NTNG1: variants seen among roughly 807,000 people sequenced by gnomAD.
NTNG1 encodes the protein netrin G1, also known as netrin-G1.
NTNG1 carries 16 observed loss-of-function variants against 54.0 expected under a neutral mutation model. The observed-to-expected ratio is 0.30, with a 90% CI of 0.20 to 0.45. The LOEUF (loss-of-function observed/expected upper bound fraction) is 0.45, where lower values mean the gene tolerates loss of function less well. Ranked by LOEUF, NTNG1 falls within the 20% of genes least tolerant of loss-of-function variation. The pLI is 1.00. For synonymous variants in NTNG1, 255 were observed against 263.1 expected (o/e 0.97, Z 0.30); for missense variants, 530 against 678.7 (o/e 0.78, Z 2.43).
At chr1:107,378,335 T>C (rs1467002416) in intron 3 of NTNG1, among the ~76,000 whole-genome samples, 1 of 152,170 alleles carries the variant, frequency 6.6e-6, no homozygotes, top group Non-Finnish European at 1.5e-5. Context: ...GGGAAGAAGA[T>C]ATATCCAGAG....
intron 3 of NTNG1, among the ~76,000 whole-genome samples, chr1:107,375,319 C>G (rs1385820138): frequency 6.6e-6 from 1 of 152,186 alleles, no homozygotes; most frequent in Non-Finnish European, 1.5e-5. Flanking sequence ...TCATTGGACT[C>G]ATCTCATTTG....
At chr1:107,459,707 CA>C (rs1157854094) in intron 7 of NTNG1, among the ~76,000 whole-genome samples, 3 of 152,160 alleles carry the variant, frequency 2.0e-5, no homozygotes, top group African/African-American at 7.2e-5. Context: ...AGGACACCAG[CA>C]GGAGAGAGTT....
intron 3 of NTNG1, among the ~76,000 whole-genome samples, chr1:107,333,160 T>C (rs1268006400): frequency 6.6e-6 from 1 of 151,938 alleles, no homozygotes; most frequent in Non-Finnish European, 1.5e-5. Context: ...ATTGAGAGGA[T>C]AGAGGACAAG....
intron 3 of NTNG1, among the ~76,000 whole-genome samples, chr1:107,355,358 G>GT (rs111810540): frequency 2.0e-5 from 3 of 151,128 alleles, no homozygotes; most frequent in African/African-American, 4.9e-5. Flanking sequence ...AGCTTTGTGA[G>GT]TTTTTTTAAT....
At chr1:107,230,384 G>A (rs995600183) in intron 2 of NTNG1, among the ~76,000 whole-genome samples, 6 of 152,116 alleles carry the variant, frequency 3.9e-5, no homozygotes, top group African/African-American at 9.7e-5. Context: ...TCTCTAGAAA[G>A]TCTGCAGTTT....
intron 2 of NTNG1, among the ~76,000 whole-genome samples, chr1:107,205,552 C>G (rs188545246): frequency 6.6e-6 from 1 of 152,238 alleles, no homozygotes; most frequent in Admixed American, 6.5e-5. Flanking sequence ...TGTGAAATCA[C>G]AATTCCGCCT....
chr1:107,269,437 C>A (rs1324272097), intron 2 of NTNG1, among the ~76,000 whole-genome samples: 1 of 152,156 alleles, frequency 6.6e-6, no homozygotes, highest in African/African-American at 2.4e-5. Context: ...TATTGTTTTT[C>A]CCCGTAACAG....
chr1:107,347,342 C>T (rs1044319776), intron 3 of NTNG1, among the ~76,000 whole-genome samples: 2 of 151,976 alleles, frequency 1.3e-5, no homozygotes, highest in Non-Finnish European at 2.9e-5. Context: ...ATGAGACCCC[C>T]GTATCTAGAA....
chr1:107,482,562 G>A lies in NTNG1; in HGVS notation c.*1722G>A, dbSNP rs921083696. On this transcript the variant is annotated 3_prime_UTR_variant, in exon 8 of 8. Transcript: ENST00000370068. ...CACACTGTTGTCCTACAGATTACAA[G>A]TGTATTAGCAGCAGCATCTCCTGGA... is the stretch of plus-strand genomic sequence containing the variant. 6.6e-6 allele frequency: 1 copy of A among 152,212 alleles called. No individual in the cohort carries two copies. The highest frequency in any genetic ancestry group is 2.1e-4 in the South Asian group (1 of 4,832). The allele number at this position is 152,212 out of a possible 1,614,324, so 9.4% of individuals were successfully genotyped here.
intron 4 of NTNG1, among the ~76,000 whole-genome samples, chr1:107,399,263 G>A (rs1177540295): frequency 6.6e-6 from 1 of 152,166 alleles, no homozygotes; most frequent in Non-Finnish European, 1.5e-5. Flanking sequence ...GGGACATGCT[G>A]AGCTAAACAG....
At position 107,246,313 on chromosome 1, in the gene NTNG1, A is replaced by G. The variant is rs539984945; in HGVS notation, c.247-77969A>G. Among the ~76,000 whole-genome samples the G allele has an allele frequency of 3.9e-5, 6 of 152,294 alleles. No homozygotes were observed. The South Asian group carries it at 8.3e-4, about 21-fold the overall frequency. ...TATGATGTGCCCACCTCGGCCTCCAAAAGTGCTGGGATTACAGGCTTGAGT... is the reference window on the plus strand; with the variant it reads ...TATGATGTGCCCACCTCGGCCTCCAGAAGTGCTGGGATTACAGGCTTGAGT... On this transcript the variant is annotated intron_variant, in intron 2 of 7. Coordinates refer to ENST00000370068, the MANE Select transcript of NTNG1 (RefSeq NM_001113226.3).
intron 2 of NTNG1, among the ~76,000 whole-genome samples, chr1:107,264,725 A>G (rs1663615120): frequency 6.6e-6 from 1 of 151,850 alleles, no homozygotes; most frequent in Admixed American, 6.6e-5. Flanking sequence ...TTTCCTTTTC[A>G]TTTCTTTTCC....
chr1:107,331,828 T>A (rs1202065955), intron 3 of NTNG1, among the ~76,000 whole-genome samples: 3 of 152,104 alleles, frequency 2.0e-5, no homozygotes, highest in African/African-American at 4.8e-5. Flanking sequence ...TAATAAAATT[T>A]CATAAATTTT....
At chr1:107,341,748 G>A (rs965414057) in intron 3 of NTNG1, among the ~76,000 whole-genome samples, 2 of 152,062 alleles carry the variant, frequency 1.3e-5, no homozygotes, top group Non-Finnish European at 2.9e-5. Context: ...GATCATCTAT[G>A]AGAGAAAAAG....
intron 2 of NTNG1, among the ~76,000 whole-genome samples, chr1:107,213,075 T>C (rs760019785): frequency 6.6e-6 from 1 of 151,624 alleles, no homozygotes. Context: ...AAAAGTGAAA[T>C]GAAATATTTT....
chr1:107,413,924 A>C (rs1432990044), intron 5 of NTNG1, among the ~76,000 whole-genome samples: 1 of 152,170 alleles, frequency 6.6e-6, no homozygotes, highest in Non-Finnish European at 1.5e-5. Flanking sequence ...GTAAACAATA[A>C]TAGAAAAAAA....
At chr1:107,333,928 A>AT (rs763252631) in intron 3 of NTNG1, 5 of 149,602 alleles carry the variant, frequency 3.3e-5, no homozygotes, top group African/African-American at 1.2e-4. Flanking sequence ...ATAAATAGGG[A>AT]TTTTTTTGTT....
intron 2 of NTNG1, among the ~76,000 whole-genome samples, chr1:107,315,303 T>C (rs1304635182): frequency 8.5e-5 from 13 of 152,172 alleles, no homozygotes; most frequent in Non-Finnish European, 2.9e-5. Flanking sequence ...TCAGTGACTC[T>C]AGTAAACCTC....
Position 107,463,264 on chromosome 1 carries a change from A to C in NTNG1, c.1391-17347A>C, listed in dbSNP as rs970139459. 2.0e-5 allele frequency among the ~76,000 whole-genome samples: 3 copies of C among 152,344 alleles called. No individual in the cohort carries two copies. In the East Asian group the frequency reaches 5.8e-4, roughly 29 times the overall value. Reference sequence around the variant, plus strand: ...TAGGAAATTAACTGATAAAGGTTGGAAATCACTGAAAATCCTTTCCTTTTT... The same window carrying C: ...TAGGAAATTAACTGATAAAGGTTGGCAATCACTGAAAATCCTTTCCTTTTT... On this transcript the variant is annotated intron_variant, in intron 7 of 7. Coordinates refer to ENST00000370068, the MANE Select transcript of NTNG1 (RefSeq NM_001113226.3).
Sources: allele counts gnomAD v4.1 joint callset (sites outside exome capture counted in the v4.1 genomes callset), GRCh38; gene constraint gnomAD v4.1.1; transcripts MANE v1.5; gene names NCBI Gene and HGNC (gene_info 2026-07-23, HGNC 2026-07-21).